The following LARS2 variants were observed in gnomAD, a reference collection of about 807,000 sequenced individuals.
LARS2 encodes the protein leucine--tRNA ligase, mitochondrial.
A neutral mutation model predicts 116.6 loss-of-function variants in LARS2; 81 were observed. The observed-to-expected ratio is 0.69, with a 90% confidence interval of 0.58 to 0.84. The LOEUF is 0.84. LARS2 is among the 40% of genes least tolerant of loss of function. The pLI is 0.00. For missense variants in LARS2, 968 were observed against 1,114.5 expected (o/e 0.87, Z 1.87); for synonymous variants, 396 against 407.2 (o/e 0.97, Z 0.33).
chr3:45,468,368 G>A (rs1699465917), intron 8 of LARS2, among the ~76,000 whole-genome samples: 1 of 152,102 alleles, frequency 6.6e-6, no homozygotes, highest in Admixed American at 6.5e-5. Flanking sequence ...CCCCTTTCCT[G>A]GAATAATAAG....
At chr3:45,490,598 A>G (rs906506244) in intron 12 of LARS2, among the ~76,000 whole-genome samples, 8 of 152,348 alleles carry the variant, frequency 5.3e-5, no homozygotes, top group Admixed American at 2.6e-4. Context: ...CAGACCATTC[A>G]TGAAAAGGGC....
chr3:45,512,098 T>C (rs1700300667), intron 15 of LARS2, among the ~76,000 whole-genome samples: 1 of 152,180 alleles, frequency 6.6e-6, no homozygotes, highest in Non-Finnish European at 1.5e-5. Flanking sequence ...TTGATCATCC[T>C]ACCTATCTTT....
At chr3:45,415,052 T>C (rs1243026997) in intron 4 of LARS2, among the ~76,000 whole-genome samples, 1 of 152,184 alleles carries the variant, frequency 6.6e-6, no homozygotes, top group African/African-American at 2.4e-5. Flanking sequence ...GCTCATGGCA[T>C]GTAGTTTGAG....
rs778723260 is a variant in LARS2, at chr3:45,521,002, G to A, written c.2292+706G>A. ...CAGGAGTTCAAGACCTGCCTGGGCC[G>A]CGTAGAAAATAAAATAATTAGGCCA... is the stretch of plus-strand genomic sequence containing the variant. On this transcript the variant is annotated intron_variant, in intron 19 of 21. Transcript: ENST00000645846. Among the ~76,000 whole-genome samples the A allele has an allele frequency of 3.2e-4, 49 of 152,122 alleles. 1 individual carries two copies. Among genetic ancestry groups the A allele is most frequent in the Middle Eastern group, 3.4e-3 (1 of 294 alleles).
intron 14 of LARS2, among the ~76,000 whole-genome samples, chr3:45,499,881 CAG>C (rs2125739688): frequency 6.6e-6 from 1 of 152,212 alleles, no homozygotes; most frequent in African/African-American, 2.4e-5. Context: ...TGAAATATGT[CAG>C]TAATATCTTC....
intron 3 of LARS2, among the ~76,000 whole-genome samples, chr3:45,399,072 T>C (rs896760115): frequency 6.6e-6 from 1 of 152,238 alleles, no homozygotes; most frequent in African/African-American, 2.4e-5. Flanking sequence ...TTTCTCATGA[T>C]GAAGCTGCTT....
At chr3:45,528,382 G>A (rs1480067557) in intron 20 of LARS2, among the ~76,000 whole-genome samples, 2 of 152,068 alleles carry the variant, frequency 1.3e-5, no homozygotes, top group Non-Finnish European at 2.9e-5. Context: ...TTACCTATGT[G>A]TATTGTATTT....
chr3:45,390,987 A>G (rs72881342), intron 1 of LARS2, among the ~76,000 whole-genome samples: 4,119 of 152,262 alleles, frequency 0.027, 206 homozygotes, highest in African/African-American at 0.095. Flanking sequence ...TTTCACACAC[A>G]TGAGCTCAAG....
chr3:45,413,186 C>T (rs6790102), intron 4 of LARS2, among the ~76,000 whole-genome samples: 3 of 152,286 alleles, frequency 2.0e-5, no homozygotes, highest in African/African-American at 7.2e-5. Context: ...TAGGAACGTA[C>T]ATGTTTGTGT....
intron 4 of LARS2, among the ~76,000 whole-genome samples, chr3:45,402,561 G>A (rs1348163792): frequency 6.6e-6 from 1 of 152,160 alleles, no homozygotes; most frequent in Non-Finnish European, 1.5e-5. Flanking sequence ...TTTTAGCAAG[G>A]TAAGTACATC....
At chr3:45,429,843 A>G (rs942601316) in intron 6 of LARS2, among the ~76,000 whole-genome samples, 14 of 150,890 alleles carry the variant, frequency 9.3e-5, no homozygotes, top group Middle Eastern at 6.9e-3. Flanking sequence ...CTGGGACTAC[A>G]GGCACCTGCC....
At chr3:45,400,158 TA>T (rs1698119174) in intron 3 of LARS2, 86 bp from the exon 4 acceptor site, 1 of 1,172,332 alleles carries the variant, frequency 8.5e-7, no homozygotes. Context: ...GTTAAATTAT[TA>T]CTTTGTGTAA....
At chr3:45,392,337 T>C (rs1009044129) in intron 2 of LARS2, among the ~76,000 whole-genome samples, 17 of 151,598 alleles carry the variant, frequency 1.1e-4, no homozygotes, top group African/African-American at 4.1e-4. Context: ...AGTCTTGTTT[T>C]GTCGCCCAGG....
chr3:45,496,226 C>A, intron 13 of LARS2, 49 bp from the exon 14 acceptor site: 1 of 1,376,064 alleles, frequency 7.3e-7, no homozygotes, highest in Non-Finnish European at 1.0e-6. Context: ...TGGAAAACTG[C>A]ATTAAAATTT....
At chr3:45,446,841 G>C (rs1412364412) in intron 6 of LARS2, 50 bp from the exon 7 acceptor site, 2 of 1,086,230 alleles carry the variant, frequency 1.8e-6, no homozygotes, top group African/African-American at 1.6e-5. Context: ...ATGCATGGCT[G>C]GGGGGATGTT....
At chr3:45,439,130 T>G (rs1171523489) in intron 6 of LARS2, among the ~76,000 whole-genome samples, 6 of 150,966 alleles carry the variant, frequency 4.0e-5, no homozygotes, top group Admixed American at 2.6e-4. Context: ...GGGAAGGCCA[T>G]TCTCATTAGG....
chr3:45,422,317 T>G (rs1418663502), intron 6 of LARS2: 1 of 152,206 alleles, frequency 6.6e-6, no homozygotes, highest in Non-Finnish European at 1.5e-5. Flanking sequence ...TGTTTGTCCT[T>G]TTTTTAATGG....
chr3:45,464,879 A>G (rs1437328884), intron 8 of LARS2, among the ~76,000 whole-genome samples: 2 of 152,182 alleles, frequency 1.3e-5, no homozygotes, highest in Non-Finnish European at 1.5e-5. Flanking sequence ...GGGTTTATCT[A>G]CAATGAGGGC....
chr3:45,539,892 G>C lies in LARS2; in HGVS notation c.2405-1937G>C, dbSNP rs1700765142. ...ACTGTATTTACAGCATGATCTTGTG[G>C]TGGTGGTGGTGTTTTGTAGAGTTGC... On this transcript the variant is annotated intron_variant, in intron 20 of 21. Transcript: ENST00000645846. Among the ~76,000 whole-genome samples the C allele has an allele frequency of 1.3e-5, 2 of 151,898 alleles. 1 individual carries two copies. The highest frequency in any genetic ancestry group is 4.2e-4 in the South Asian group (2 of 4,804).
Sources: gnomAD v4.1 joint callset for allele counts (sites outside exome capture counted in the v4.1 genomes callset) on GRCh38, gnomAD v4.1.1 for gene constraint, MANE v1.5 for transcripts, NCBI Gene and HGNC (gene_info 2026-07-23, HGNC 2026-07-21) for gene names.